Variants in FCN3 observed in about 807,000 individuals in gnomAD.
FCN3 encodes ficolin-3.
FCN3 carries 28 observed loss-of-function variants against 31.5 expected under a neutral mutation model. That is an observed-to-expected ratio of 0.89 (90% CI 0.66 to 1.22). The LOEUF (loss-of-function observed/expected upper bound fraction) is 1.22. Among genes scored for constraint, FCN3 ranks in the 50% most tolerant of loss-of-function variants. The probability of loss-of-function intolerance (pLI) is 0.00; values close to 1 mark genes in which losing one functional copy is unlikely to be tolerated. For missense variants in FCN3, 351 were observed against 386.8 expected (o/e 0.91, Z 0.78); for synonymous variants, 124 against 147.4 (o/e 0.84, Z 1.15).
chr1:27,374,172 A>G (rs1445716709), intron 2 of FCN3, 163 bp from the exon 3 acceptor site: 6 of 738,400 alleles, frequency 8.1e-6, no homozygotes, highest in Non-Finnish European at 2.3e-6. Flanking sequence ...TTTCCTCCTC[A>G]GCAGAATGGG....
intron 5 of FCN3, 71 bp from the exon 6 acceptor site, chr1:27,371,043 A>T: frequency 3.4e-6 from 5 of 1,478,710 alleles, no homozygotes; most frequent in Non-Finnish European, 4.7e-6. Context: ...AGGAACTGTG[A>T]GGGGTGGGTG....
intron 2 of FCN3, 135 bp from the exon 3 acceptor site, chr1:27,374,144 A>C: frequency 2.4e-6 from 2 of 824,606 alleles, no homozygotes; most frequent in Admixed American, 4.6e-5. Context: ...CAAATATCTT[A>C]TCCTCTCTGA....
chr1:27,373,489 T>C lies in FCN3; in HGVS notation c.264A>G (p.Glu88=). ...GDPVNLLRCQ[E]GPRNCRELLS... ...TGGCTCCTGCAAGGGCTGCCTCACC[T>C]TCCTGGCACCGGAGCAGGTTCACTG... The change falls in exon 4 of 8, where the codon GAA becomes GAG. Residue 88 remains glutamate, a splice_region_variant and synonymous_variant. Transcript: ENST00000270879. The C allele has an allele frequency of 5.0e-6, 8 of 1,614,068 alleles. No individual in the cohort carries two copies. Among genetic ancestry groups the C allele is most frequent in the Non-Finnish European group, 6.8e-6 (8 of 1,179,960 alleles).
chr1:27,374,683 G>C (rs2016215352), intron 1 of FCN3, 45 bp downstream of exon 1: 3 of 1,180,962 alleles, frequency 2.5e-6, no homozygotes, highest in South Asian at 3.5e-5. Context: ...CACCCAGCGA[G>C]GGAATGAGGA....
At chr1:27,372,589 C>T (rs1344485425) in intron 5 of FCN3, among the ~76,000 whole-genome samples, 1 of 152,162 alleles carries the variant, frequency 6.6e-6, no homozygotes, top group African/African-American at 2.4e-5. Flanking sequence ...TTAAGTTGAT[C>T]ATTTAGTGCC....
Position 27,373,142 on chromosome 1 carries a change from G to A in FCN3, c.387C>T (p.Gly129=). ...VFCDMDTEGG[G]WLVFQRRQDG... is the part of the protein sequence containing the mutation. ...CCATTTCTCAGACACTCACCAGCCA[G>A]CCGCCCCCCTCGGTGTCCATGTCAC... Residue 129 remains glycine, a synonymous_variant, in exon 5 of 8, where the codon GGC becomes GGT. Coordinates refer to ENST00000270879, the MANE Select transcript of FCN3 (RefSeq NM_003665.4). The A allele has an allele frequency of 6.2e-7, 1 of 1,613,802 alleles. No individual in the cohort carries two copies. Among genetic ancestry groups the A allele is most frequent in the Non-Finnish European group, 8.5e-7 (1 of 1,179,908 alleles).
chr1:27,370,037 C>A (rs1459477758), intron 7 of FCN3, among the ~76,000 whole-genome samples: 1 of 149,722 alleles, frequency 6.7e-6, no homozygotes, highest in Non-Finnish European at 1.5e-5. Context: ...GATGGAGTCT[C>A]GCTCTGTCGC....
rs1391762021 is a variant in FCN3 at position 27,374,607 on chromosome 1, C to T, written c.91+121G>A. ...CTTTGCATCCATTTGCATATATTTACATGCAGAGCCCAGATTATGAAACTC... is the reference window on the plus strand; with the variant it reads ...CTTTGCATCCATTTGCATATATTTATATGCAGAGCCCAGATTATGAAACTC... On this transcript the variant is annotated intron_variant, in intron 1 of 7. Transcript: ENST00000270879. 9.3e-6 allele frequency: 7 copies of T among 749,282 alleles called. No individual in the cohort carries two copies. The Admixed American group carries it at 2.0e-4, about 22-fold the overall frequency. The allele number at this position is 749,282 out of a possible 1,614,324, so 46.4% of individuals were successfully genotyped here. A position where few individuals can be genotyped will look rare whatever the true frequency, so the allele number is the denominator to read the frequency against.
At chr1:27,372,847 G>A (rs983335751) in intron 5 of FCN3, among the ~76,000 whole-genome samples, 2 of 134,630 alleles carry the variant, frequency 1.5e-5, no homozygotes, top group African/African-American at 2.7e-5. Context: ...GCAAGAACTC[G>A]GCTCACTGCA....
chr1:27,370,889 A>G lies in FCN3; in HGVS notation c.477T>C (p.Ser159=). ...SYRAGFGNQE[S]EFWLGNENLH... is the part of the protein sequence containing the mutation. ...AATTCTCATTTCCCAGCCAGAATTC[A>G]GACTCTTGGTTCCCAAAACCTGCTC... Residue 159 remains serine (S), a synonymous_variant, in exon 6 of 8, where the codon TCT becomes TCC. Transcript: ENST00000270879. The G allele has an allele frequency of 1.2e-6, 2 of 1,614,122 alleles. No individual in the cohort carries two copies. The highest frequency in any genetic ancestry group is 1.7e-6 in the Non-Finnish European group (2 of 1,180,016).
rs962920116 is a variant in FCN3, at chr1:27,369,132, A to G, written c.*104T>C. 4.3e-6 allele frequency: 6 copies of G among 1,390,292 alleles called. No individual in the cohort carries two copies. The African/African-American group carries it at 7.2e-5, about 17-fold the overall frequency. 86.1% of individuals were successfully genotyped at this position (1,390,292 alleles called of 1,614,324 possible). ...GTCTTGAAAGGGCTAAAATGATTTT[A>G]TTTTTAAATGTGGACAGGCAAGCAG... On this transcript the variant is annotated 3_prime_UTR_variant, in exon 8 of 8. Coordinates refer to ENST00000270879, the MANE Select transcript of FCN3 (RefSeq NM_003665.4).
At chr1:27,373,004 G>A (rs968960142) in intron 5 of FCN3, 132 bp downstream of exon 5, 4 of 1,129,792 alleles carry the variant, frequency 3.5e-6, no homozygotes, top group Middle Eastern at 2.6e-4. Flanking sequence ...GTCCCATTGG[G>A]GGCTCACTAA....
At chr1:27,370,564 C>A (rs1241003788) in intron 7 of FCN3, 32 bp downstream of exon 7, 1 of 1,595,284 alleles carries the variant, frequency 6.3e-7, no homozygotes, top group Admixed American at 1.7e-5. Flanking sequence ...AGGATCCAGC[C>A]TCCTTCCTCT....
intron 7 of FCN3, 129 bp from the exon 8 acceptor site, chr1:27,369,606 G>A (rs2148069445): frequency 4.8e-6 from 4 of 835,088 alleles, no homozygotes; most frequent in Middle Eastern, 3.3e-4. Flanking sequence ...GCAACACCAA[G>A]GGGCCAGGTT....
intron 2 of FCN3, 79 bp downstream of exon 2, chr1:27,374,277 C>T: frequency 1.9e-6 from 2 of 1,031,202 alleles, no homozygotes; most frequent in Non-Finnish European, 1.5e-6. Context: ...TTGTCGTGGC[C>T]CCTCAGCACA....
chr1:27,374,822 G>C lies in FCN3; in HGVS notation c.-4C>G. 1 of 1,331,558 alleles carries C rather than the reference G, an allele frequency of 7.5e-7. No individual in the cohort carries two copies. Among genetic ancestry groups the C allele is most frequent in the South Asian group, 2.7e-5 (1 of 36,524 alleles). 82.5% of individuals were successfully genotyped at this position (1,331,558 alleles called of 1,614,324 possible). A position where few individuals can be genotyped will look rare whatever the true frequency, so the allele number is the denominator to read the frequency against. On this transcript the variant is annotated 5_prime_UTR_variant, in exon 1 of 8. Coordinates refer to ENST00000270879, the MANE Select transcript of FCN3 (RefSeq NM_003665.4). ...GCAGGATCCACAGTAGATCCATCTT[G>C]CTGGGCCCACCAGGGGAAGGATGCC...
intron 5 of FCN3, among the ~76,000 whole-genome samples, chr1:27,372,460 C>T (rs947148922): frequency 1.3e-5 from 2 of 152,186 alleles, no homozygotes; most frequent in African/African-American, 4.8e-5. Flanking sequence ...GTTGGCCAGG[C>T]TGATCTCGAA....
rs776477057 is a variant in FCN3, at chr1:27,370,995, G to C, written c.394-23C>G. On this transcript the variant is annotated intron_variant, in intron 5 of 7. Coordinates refer to ENST00000270879, the MANE Select transcript of FCN3 (RefSeq NM_003665.4). ...CACCTGGGGGAGGGGGGGCACAGCA[G>C]CTATTACTCCAGGCTGGGCACTGGC... is the stretch of plus-strand genomic sequence containing the variant. 4 of 1,609,454 alleles carry C rather than the reference G, an allele frequency of 2.5e-6. 1 individual carries two copies. The South Asian group carries it at 4.4e-5, about 18-fold the overall frequency.
chr1:27,374,531 A>G, intron 1 of FCN3, 80 bp from the exon 2 acceptor site: 1 of 986,174 alleles, frequency 1.0e-6, no homozygotes, highest in Admixed American at 2.1e-5. Context: ...CCTGTCTCCC[A>G]GATTCCCACT....
Sources: gnomAD v4.1 joint callset for allele counts (sites outside exome capture counted in the v4.1 genomes callset) on GRCh38, gnomAD v4.1.1 for gene constraint, MANE v1.5 for transcripts, NCBI Gene and HGNC (gene_info 2026-07-23, HGNC 2026-07-21) for gene names.